NALCN: variants seen among roughly 807,000 people sequenced by gnomAD.
NALCN encodes the protein sodium leak channel, non-selective.
NALCN carries 111 observed loss-of-function variants against 225.3 expected under a neutral mutation model. The ratio of observed to expected loss-of-function variants is 0.49; its 90% CI spans 0.42 to 0.58. The LOEUF is 0.58. Ranked by LOEUF, NALCN falls within the 20% of genes least tolerant of loss-of-function variation. NALCN has a pLI of 0.00. For synonymous variants in NALCN, 764 were observed against 769.0 expected (o/e 0.99, Z 0.11); for missense variants, 1,378 against 2,202.4 (o/e 0.63, Z 7.49).
At chr13:101,411,805 A>T (rs959496231) in intron 1 of NALCN, among the ~76,000 whole-genome samples, 1 of 152,072 alleles carries the variant, frequency 6.6e-6, no homozygotes, top group African/African-American at 2.4e-5. Flanking sequence ...TCTGATATTT[A>T]CACACTTCTA....
At chr13:101,184,638 T>A (rs978557280) in intron 14 of NALCN, among the ~76,000 whole-genome samples, 7 of 152,224 alleles carry the variant, frequency 4.6e-5, no homozygotes, top group Admixed American at 4.6e-4. Flanking sequence ...TGCAGATCAT[T>A]TTGTCCAACA....
At chr13:101,252,597 G>C (rs577046757) in intron 11 of NALCN, among the ~76,000 whole-genome samples, 1 of 152,258 alleles carries the variant, frequency 6.6e-6, no homozygotes, top group South Asian at 2.1e-4. Flanking sequence ...AGACAGAGTT[G>C]AGGGTAAGAG....
intron 6 of NALCN, among the ~76,000 whole-genome samples, chr13:101,375,345 C>T (rs757939792): frequency 6.6e-6 from 1 of 152,022 alleles, no homozygotes; most frequent in South Asian, 2.1e-4. Flanking sequence ...GAGGAGTAAC[C>T]TAAATAATTT....
chr13:101,357,308 CCTT>C (rs2046093717), intron 6 of NALCN, among the ~76,000 whole-genome samples: 1 of 152,140 alleles, frequency 6.6e-6, no homozygotes, highest in East Asian at 1.9e-4. Flanking sequence ...CCCGAAAACT[CCTT>C]AACCTGATAA....
At chr13:101,101,554 T>C (rs1246608903) in intron 26 of NALCN, among the ~76,000 whole-genome samples, 1 of 152,168 alleles carries the variant, frequency 6.6e-6, no homozygotes, top group East Asian at 1.9e-4. Context: ...GTGCTGGGAT[T>C]ACAGGCGTGA....
chr13:101,185,102 G>A (rs1340444358), intron 14 of NALCN, among the ~76,000 whole-genome samples: 5 of 152,098 alleles, frequency 3.3e-5, no homozygotes, highest in Admixed American at 6.5e-5. Context: ...CCTATCCTAA[G>A]CTGTCTTGCC....
chr13:101,249,388 C>G (rs1404086756), intron 11 of NALCN, among the ~76,000 whole-genome samples: 1 of 152,164 alleles, frequency 6.6e-6, no homozygotes, highest in South Asian at 2.1e-4. Context: ...CATTCTTTCA[C>G]AGAAGAGAAA....
chr13:101,265,911 A>G (rs1042295716), intron 10 of NALCN, among the ~76,000 whole-genome samples: 8 of 152,222 alleles, frequency 5.3e-5, no homozygotes, highest in Non-Finnish European at 1.0e-4. Context: ...GTGGTTGGAT[A>G]GAAGGTATAA....
intron 13 of NALCN, among the ~76,000 whole-genome samples, chr13:101,218,968 GTGTC>G (rs1344788996): frequency 2.6e-5 from 4 of 152,054 alleles, no homozygotes; most frequent in African/African-American, 9.7e-5. Flanking sequence ...ATGCATATTT[GTGTC>G]TGTTCTTTCC....
intron 6 of NALCN, among the ~76,000 whole-genome samples, chr13:101,346,712 C>T (rs576901311): frequency 2.0e-5 from 3 of 152,210 alleles, no homozygotes; most frequent in African/African-American, 4.8e-5. Flanking sequence ...TATGTAATGG[C>T]TTTCCTGACA....
chr13:101,187,293 A>T (rs1313543037), intron 14 of NALCN, among the ~76,000 whole-genome samples: 1 of 152,236 alleles, frequency 6.6e-6, no homozygotes, highest in Admixed American at 6.5e-5. Flanking sequence ...AATAAAACAC[A>T]TAGTATATAT....
chr13:101,280,545 T>G (rs769947388), intron 10 of NALCN, among the ~76,000 whole-genome samples: 18 of 152,198 alleles, frequency 1.2e-4, no homozygotes, highest in Non-Finnish European at 2.1e-4. Context: ...ATGGCCACCT[T>G]GAGGCATCTA....
At chr13:101,293,266 G>A (rs2043617186) in intron 7 of NALCN, among the ~76,000 whole-genome samples, 1 of 152,098 alleles carries the variant, frequency 6.6e-6, no homozygotes, top group South Asian at 2.1e-4. Context: ...TCTGTAAAAT[G>A]GGAAATAACA....
intron 13 of NALCN, among the ~76,000 whole-genome samples, chr13:101,224,097 A>C (rs2041048217): frequency 6.6e-6 from 1 of 152,194 alleles, no homozygotes; most frequent in Non-Finnish European, 1.5e-5. Flanking sequence ...TCTCTCAAGA[A>C]AACAGACTTC....
chr13:101,364,309 G>A (rs1429873090), intron 6 of NALCN, among the ~76,000 whole-genome samples: 1 of 152,026 alleles, frequency 6.6e-6, no homozygotes, highest in East Asian at 1.9e-4. Context: ...AGCCAAATAC[G>A]GAATCAACCT....
chr13:101,147,561 C>T (rs1283357739), intron 15 of NALCN, among the ~76,000 whole-genome samples: 4 of 152,022 alleles, frequency 2.6e-5, no homozygotes, highest in African/African-American at 9.7e-5. Context: ...CAAACAAAAA[C>T]AAAAATATAA....
chr13:101,284,955 G>A (rs2043288427), intron 9 of NALCN, among the ~76,000 whole-genome samples: 1 of 152,146 alleles, frequency 6.6e-6, no homozygotes, highest in African/African-American at 2.4e-5. Flanking sequence ...TAGGAATAGG[G>A]CAAAATTAAA....
intron 7 of NALCN, among the ~76,000 whole-genome samples, chr13:101,320,218 G>A (rs1386085878): frequency 6.6e-6 from 1 of 152,124 alleles, no homozygotes; most frequent in Non-Finnish European, 1.5e-5. Context: ...AACTTTTCAG[G>A]TATAAAGGAT....
chr13:101,059,730 G>T, intron 42 of NALCN, 88 bp downstream of exon 42: 8 of 1,112,412 alleles, frequency 7.2e-6, no homozygotes, highest in Non-Finnish European at 1.0e-5. Flanking sequence ...TTGTTTGAAT[G>T]ATCTGACCAG....
Sources: gnomAD v4.1 joint callset for allele counts (sites outside exome capture counted in the v4.1 genomes callset) on GRCh38, gnomAD v4.1.1 for gene constraint, MANE v1.5 for transcripts, NCBI Gene and HGNC (gene_info 2026-07-23, HGNC 2026-07-21) for gene names.